The following BPTF variants were observed in gnomAD, a reference collection of about 807,000 sequenced individuals.
BPTF encodes the protein bromodomain PHD finger transcription factor.
Under a neutral mutation model 292.5 loss-of-function variants are expected in BPTF, and 18 were observed. That is an observed-to-expected ratio of 0.06 (90% CI 0.04 to 0.09). BPTF has a LOEUF of 0.09. Ranked by LOEUF, BPTF falls within the 10% of genes least tolerant of loss-of-function variation. The pLI, the probability that BPTF is intolerant of heterozygous loss-of-function variation, is 1.00. For synonymous variants in BPTF, 1,225 were observed against 1,251.9 expected, an observed-to-expected ratio of 0.98 and a Z score of 0.45; for missense variants, 2,726 against 3,498.7, an observed-to-expected ratio of 0.78 and a Z score of 5.57.
At chr17:67,888,987 T>C (rs545885580) in intron 4 of BPTF, among the ~76,000 whole-genome samples, 2 of 152,312 alleles carry the variant, frequency 1.3e-5, no homozygotes, top group Non-Finnish European at 2.9e-5. Context: ...GTAACTTGCT[T>C]TAGGATCCAT....
chr17:67,836,229 T>G (rs1567864075), intron 1 of BPTF, among the ~76,000 whole-genome samples: 2 of 152,212 alleles, frequency 1.3e-5, no homozygotes, highest in African/African-American at 4.8e-5. Context: ...AAGAAAGTTA[T>G]ACTTAGACTT....
intron 4 of BPTF, chr17:67,886,327 A>C (rs1381893316): frequency 3.2e-6 from 5 of 1,543,428 alleles, no homozygotes; most frequent in South Asian, 1.3e-5. Context: ...GTAAGAATAT[A>C]CTTCATCCAT....
intron 1 of BPTF, among the ~76,000 whole-genome samples, chr17:67,848,059 C>T (rs1018605663): frequency 8.5e-5 from 13 of 152,254 alleles, no homozygotes; most frequent in African/African-American, 2.4e-4. Flanking sequence ...GCCACTTTCT[C>T]TCAGATACCA....
chr17:67,891,767 C>A, intron 4 of BPTF, 77 bp from the exon 5 acceptor site: 3 of 1,129,098 alleles, frequency 2.7e-6, no homozygotes, highest in Non-Finnish European at 3.6e-6. Flanking sequence ...ACACCAGATA[C>A]GAGTTTTGGT....
intron 9 of BPTF, among the ~76,000 whole-genome samples, chr17:67,906,206 G>A (rs1309283448): frequency 2.0e-5 from 3 of 151,662 alleles, no homozygotes; most frequent in Admixed American, 1.3e-4. Context: ...TCAGCCTCCC[G>A]AGTAGCTGGG....
chr17:67,964,015 T>C (rs2067765872), intron 24 of BPTF, among the ~76,000 whole-genome samples, 197 bp from the exon 25 acceptor site: 1 of 152,236 alleles, frequency 6.6e-6, no homozygotes, highest in Non-Finnish European at 1.5e-5. Flanking sequence ...AGTGTTCTTA[T>C]AAATTTTTTT....
At chr17:67,881,649 G>A (rs901078266) in intron 4 of BPTF, among the ~76,000 whole-genome samples, 3 of 150,640 alleles carry the variant, frequency 2.0e-5, no homozygotes, top group East Asian at 2.0e-4. Flanking sequence ...GACTATAGAC[G>A]CGCGCCACCA....
intron 18 of BPTF, chr17:67,936,537 A>G (rs1293360591): frequency 4.6e-5 from 7 of 152,192 alleles, no homozygotes; most frequent in Non-Finnish European, 1.0e-4. Context: ...TCTGACATGC[A>G]TAAGTGAATG....
chr17:67,924,108 C>G (rs1192214692), intron 14 of BPTF, among the ~76,000 whole-genome samples: 1 of 152,184 alleles, frequency 6.6e-6, no homozygotes, highest in African/African-American at 2.4e-5. Context: ...AAGCAGTTCT[C>G]CTGCCTCAGG....
At chr17:67,978,572 C>T (rs2069869084) in intron 27 of BPTF, among the ~76,000 whole-genome samples, 1 of 152,044 alleles carries the variant, frequency 6.6e-6, no homozygotes, top group Non-Finnish European at 1.5e-5. Context: ...GCTGGGATTA[C>T]AGATGTGAGC....
intron 25 of BPTF, 181 bp from the exon 26 acceptor site, chr17:67,966,391 T>G: frequency 1.9e-6 from 1 of 537,794 alleles, no homozygotes; most frequent in Non-Finnish European, 3.3e-6. Context: ...TTGAGTACCA[T>G]TATTGTAGAG....
At chr17:67,866,865 A>G (rs956776586) in intron 3 of BPTF, among the ~76,000 whole-genome samples, 178 bp downstream of exon 3, 3 of 152,268 alleles carry the variant, frequency 2.0e-5, no homozygotes, top group Non-Finnish European at 4.4e-5. Context: ...TATGAACATC[A>G]TAGAGTACAC....
At chr17:67,960,676 C>G (rs747341222) in intron 24 of BPTF, among the ~76,000 whole-genome samples, 5 of 152,098 alleles carry the variant, frequency 3.3e-5, no homozygotes, top group Non-Finnish European at 7.4e-5. Context: ...TTTACAGGAC[C>G]AAAAAGTCTG....
intron 1 of BPTF, among the ~76,000 whole-genome samples, chr17:67,841,165 C>G (rs185366540): frequency 7.2e-5 from 11 of 151,992 alleles, no homozygotes; most frequent in African/African-American, 2.7e-4. Context: ...CCCAGCACTT[C>G]GGGAGGCCAA....
At chr17:67,834,944 G>A (rs1254934039) in intron 1 of BPTF, among the ~76,000 whole-genome samples, 1 of 152,174 alleles carries the variant, frequency 6.6e-6, no homozygotes, top group Admixed American at 6.5e-5. Context: ...CAAGCGTGGT[G>A]GCTCATACCT....
intron 4 of BPTF, among the ~76,000 whole-genome samples, chr17:67,881,866 T>TTG (rs2060442145): frequency 8.6e-6 from 1 of 116,132 alleles, no homozygotes; most frequent in African/African-American, 6.1e-5. Context: ...TTGTTTTTTT[T>TTG]TTTTTTTTTT....
intron 14 of BPTF, among the ~76,000 whole-genome samples, chr17:67,923,607 G>A (rs2063620651): frequency 6.7e-6 from 1 of 148,686 alleles, no homozygotes; most frequent in South Asian, 2.2e-4. Flanking sequence ...AGCCTCCTGA[G>A]TAGCTGGGAT....
intron 23 of BPTF, among the ~76,000 whole-genome samples, chr17:67,954,382 T>G (rs1476051232): frequency 6.6e-6 from 1 of 152,122 alleles, no homozygotes; most frequent in Non-Finnish European, 1.5e-5. Context: ...AACATTTAAG[T>G]TTTGCAAGCT....
chr17:67,981,545 AAGTC>A (rs2070362850), intron 27 of BPTF: 2 of 1,094,456 alleles, frequency 1.8e-6, no homozygotes, highest in East Asian at 9.2e-5. Context: ...GCCCCCCAAA[AAGTC>A]AGATTAGTTA....
Sources: allele counts gnomAD v4.1 joint callset (sites outside exome capture counted in the v4.1 genomes callset), GRCh38; gene constraint gnomAD v4.1.1; transcripts MANE v1.5; gene names NCBI Gene and HGNC (gene_info 2026-07-23, HGNC 2026-07-21).